The following CYP4X1 variants were observed in gnomAD, a reference collection of about 807,000 sequenced individuals.
The protein encoded by CYP4X1 is cytochrome P450 family 4 subfamily X member 1, also known as cytochrome P450 4X1.
CYP4X1 carries 44 observed loss-of-function variants against 57.9 expected under a neutral mutation model. The ratio of observed to expected loss-of-function variants is 0.76; its 90% CI spans 0.60 to 0.98. The LOEUF (loss-of-function observed/expected upper bound fraction) is 0.98, where lower values mean the gene tolerates loss of function less well. CYP4X1 is among the 50% of genes least tolerant of loss of function. The probability of loss-of-function intolerance (pLI) is 0.00; values close to 1 mark genes in which losing one functional copy is unlikely to be tolerated. For missense variants in CYP4X1, 532 were observed against 623.9 expected, an observed-to-expected ratio of 0.85 and a Z score of 1.57; for synonymous variants, 227 against 228.6, an observed-to-expected ratio of 0.99 and a Z score of 0.06.
intron 8 of CYP4X1, among the ~76,000 whole-genome samples, chr1:47,044,843 A>C (rs755007272): frequency 6.7e-6 from 1 of 149,834 alleles, no homozygotes. Flanking sequence ...TTTTTCTGAG[A>C]CCGAGTTTCA....
At chr1:47,001,049 C>T in the CYP4X1 span, 1 of 233,066 alleles carries the variant, frequency 4.3e-6, no homozygotes, top group South Asian at 8.0e-5. Flanking sequence ...ACCTTAAGCT[C>T]GTTCATGGCA....
the CYP4X1 span, among the ~76,000 whole-genome samples, chr1:47,012,925 G>T: frequency 6.6e-6 from 1 of 152,170 alleles, no homozygotes; most frequent in East Asian, 1.9e-4. Flanking sequence ...CCTTTACTTA[G>T]TCTTCCTACT....
At chr1:47,051,329 A>C (rs1644358820), downstream of CYP4X1, among the ~76,000 whole-genome samples, 1 of 149,244 alleles carries the variant, frequency 6.7e-6, no homozygotes, top group Non-Finnish European at 1.5e-5. Flanking sequence ...CAGTGAGCCG[A>C]GGTGGCGCCA....
At chr1:47,045,975 T>C (rs1053338412) in intron 8 of CYP4X1, among the ~76,000 whole-genome samples, 1 of 152,224 alleles carries the variant, frequency 6.6e-6, no homozygotes, top group Admixed American at 6.5e-5. Context: ...ACATCAGTCC[T>C]GTACTCCCCA....
At chr1:46,991,820 C>T in the CYP4X1 span, among the ~76,000 whole-genome samples, 1 of 152,138 alleles carries the variant, frequency 6.6e-6, no homozygotes, top group Non-Finnish European at 1.5e-5. Context: ...CATTGTGATG[C>T]GTGGGAAGGA....
chr1:46,995,489 G>A, the CYP4X1 span, among the ~76,000 whole-genome samples: 1 of 152,012 alleles, frequency 6.6e-6, no homozygotes, highest in East Asian at 1.9e-4. Flanking sequence ...AGAGGAGCAA[G>A]GGATGGGACA....
At chr1:47,031,949 A>G (rs1644129004) in intron 3 of CYP4X1, among the ~76,000 whole-genome samples, 1 of 152,100 alleles carries the variant, frequency 6.6e-6, no homozygotes, top group Non-Finnish European at 1.5e-5. Context: ...AGGCTGAGAC[A>G]TGAGAATCGC....
At chr1:46,984,107 G>C in the CYP4X1 span, among the ~76,000 whole-genome samples, 2 of 148,164 alleles carry the variant, frequency 1.3e-5, no homozygotes, top group Non-Finnish European at 3.0e-5. Flanking sequence ...GCCCAGGGGA[G>C]AGAAAGTTGG....
At chr1:46,967,496 C>T in the CYP4X1 span, among the ~76,000 whole-genome samples, 1 of 151,950 alleles carries the variant, frequency 6.6e-6, no homozygotes, top group African/African-American at 2.4e-5. Context: ...AGAGGTAGAG[C>T]AGCAGATACA....
intron 4 of CYP4X1, among the ~76,000 whole-genome samples, 188 bp from the exon 5 acceptor site, chr1:47,035,618 T>C (rs1644171687): frequency 6.6e-6 from 1 of 152,206 alleles, no homozygotes; most frequent in African/African-American, 2.4e-5. Flanking sequence ...CTCACTCCGC[T>C]GGGTGTATTT....
chr1:47,016,626 C>T, the CYP4X1 span, among the ~76,000 whole-genome samples: 1 of 152,158 alleles, frequency 6.6e-6, no homozygotes, highest in Admixed American at 6.5e-5. Flanking sequence ...CAGGTGTGAA[C>T]CTCTGGCCAC....
intron 6 of CYP4X1, among the ~76,000 whole-genome samples, chr1:47,036,466 G>C (rs1569632575): frequency 6.7e-6 from 1 of 149,020 alleles, no homozygotes; most frequent in East Asian, 2.0e-4. Flanking sequence ...ATGGAATATG[G>C]CTTTTTGCAC....
At chr1:47,008,143 GA>G in the CYP4X1 span, among the ~76,000 whole-genome samples, 1 of 152,128 alleles carries the variant, frequency 6.6e-6, no homozygotes, top group Non-Finnish European at 1.5e-5. Context: ...AAGTTGCAAT[GA>G]AGGAAAAAAG....
downstream of CYP4X1, among the ~76,000 whole-genome samples, chr1:47,054,801 A>G (rs897685579): frequency 2.0e-5 from 3 of 152,186 alleles, no homozygotes; most frequent in African/African-American, 7.2e-5. Context: ...GTTGTTTATC[A>G]GCTTAAGGAG....
the CYP4X1 span, among the ~76,000 whole-genome samples, chr1:46,969,209 C>T: frequency 1.3e-5 from 2 of 152,202 alleles, no homozygotes; most frequent in Admixed American, 1.3e-4. Context: ...GCTCCTGTTC[C>T]CACCACGTGA....
At chr1:46,990,341 C>G in the CYP4X1 span, among the ~76,000 whole-genome samples, 4 of 152,080 alleles carry the variant, frequency 2.6e-5, no homozygotes, top group Non-Finnish European at 5.9e-5. Flanking sequence ...AAATCAAAAC[C>G]ACAATGAGAT....
At chr1:46,971,730 G>C in the CYP4X1 span, among the ~76,000 whole-genome samples, 2 of 152,148 alleles carry the variant, frequency 1.3e-5, no homozygotes, top group Non-Finnish European at 2.9e-5. Flanking sequence ...CTTTTGAGAA[G>C]TGTCTGTTCA....
chr1:46,981,285 G>GA, the CYP4X1 span, among the ~76,000 whole-genome samples: 1 of 151,964 alleles, frequency 6.6e-6, no homozygotes, highest in African/African-American at 2.4e-5. Context: ...AAATTTACAA[G>GA]AAAAAAATCA....
At chr1:47,046,717 T>G in intron 9 of CYP4X1, 117 bp downstream of exon 9, 3 of 1,455,348 alleles carry the variant, frequency 2.1e-6, no homozygotes, top group Non-Finnish European at 2.8e-6. Context: ...TGCTAACATG[T>G]GACTTAGGTT....
Sources: allele counts gnomAD v4.1 joint callset (sites outside exome capture counted in the v4.1 genomes callset), GRCh38; gene constraint gnomAD v4.1.1; transcripts MANE v1.5; gene names NCBI Gene and HGNC (gene_info 2026-07-23, HGNC 2026-07-21).